The following TERF1 variants were observed in gnomAD, a reference collection of about 807,000 sequenced individuals.
TERF1 encodes the protein telomeric repeat binding factor 1.
In TERF1, 20 loss-of-function variants were observed where a neutral mutation model predicts 55.1. The observed-to-expected ratio is 0.36, with a 90% CI of 0.26 to 0.53. The LOEUF (loss-of-function observed/expected upper bound fraction) is 0.53, where lower values mean the gene tolerates loss of function less well. Among genes scored for constraint, TERF1 ranks in the 20% least tolerant of loss-of-function variants. TERF1 has a pLI of 0.91. For missense variants in TERF1, 439 were observed against 535.7 expected, an observed-to-expected ratio of 0.82 and a Z score of 1.78; for synonymous variants, 168 against 181.2, an observed-to-expected ratio of 0.93 and a Z score of 0.59.
chr8:73,034,430 G>T (rs1809423432), intron 8 of TERF1, among the ~76,000 whole-genome samples: 1 of 116,152 alleles, frequency 8.6e-6, no homozygotes, highest in Non-Finnish European at 2.2e-5. Context: ...ACCACACCCG[G>T]CCTTTTTGTG....
chr8:73,038,324 G>A (rs12679652), intron 8 of TERF1, among the ~76,000 whole-genome samples: 89,100 of 151,576 alleles, frequency 0.59, 27,328 homozygotes, highest in Middle Eastern at 0.75. Flanking sequence ...CATGGCGGCC[G>A]GTGCCTCTAG....
rs55785164 is a variant in TERF1 at position 73,018,726 on chromosome 8, A to T, written c.416-1958A>T. Among the ~76,000 whole-genome samples, 703 of 152,318 alleles carry T rather than the reference A, an allele frequency of 4.6e-3. 8 individuals carry two copies. The highest frequency in any genetic ancestry group is 0.016 in the African/African-American group (658 of 41,570). ...ATAAAAAATTCTCTTTATTATGCTT[A>T]TTTGTTGCATACTTGCTATGGAACT... is the stretch of plus-strand genomic sequence containing the variant. On this transcript the variant is annotated intron_variant, in intron 2 of 9. Transcript: ENST00000276603.
In TERF1 at chr8:73,024,848, A is replaced by G; in HGVS notation, c.651A>G (p.Ile217Met). The G allele has an allele frequency of 1.3e-6, 2 of 1,586,048 alleles. No individual in the cohort carries two copies. The highest frequency in any genetic ancestry group is 3.6e-5 in the Admixed American group (2 of 55,688). Reference protein sequence around the residue: ...HMPFKSKLLMIISQKDTFHSF... With the variant: ...HMPFKSKLLMMISQKDTFHSF... The stretch of plus-strand genomic sequence containing the variant: ...CTTTCAAAAGCAAATTGCTTATGAT[A>G]ATCTCTCAGAAAGATACATTTCATT... The change falls in exon 5 of 10, where the codon ATA becomes ATG. Residue 217 changes from isoleucine (I) to methionine (M), a missense_variant. Physicochemically the swap from Ile to Met is conservative, Grantham distance 10. Transcript: ENST00000276603.
At chr8:73,014,078 A>G in intron 2 of TERF1, 88 bp downstream of exon 2, 1 of 1,116,184 alleles carries the variant, frequency 9.0e-7, no homozygotes, top group Non-Finnish European at 1.3e-6. Context: ...TTTTGGGGGA[A>G]GTTTGCCTAC....
Position 73,046,840 on chromosome 8 carries a change from A to C in TERF1, c.*703A>C, listed in dbSNP as rs1162403574. The C allele has an allele frequency of 6.6e-6, 1 of 152,214 alleles. No homozygotes were observed. The highest frequency in any genetic ancestry group is 6.5e-5 in the Admixed American group (1 of 15,278). The allele number at this position is 152,214 out of a possible 1,614,324, so 9.4% of individuals were successfully genotyped here. A position where few individuals can be genotyped will look rare whatever the true frequency, so the allele number is the denominator to read the frequency against. ...TTGAATAACAGTAGTCCTTTGATAG[A>C]AGATAATGACTTGGTTTATGGCCTT... On this transcript the variant is annotated 3_prime_UTR_variant, in exon 10 of 10. Transcript: ENST00000276603.
At chr8:73,031,373 G>C (rs1203947272) in intron 7 of TERF1, 1 of 152,226 alleles carries the variant, frequency 6.6e-6, no homozygotes, top group Non-Finnish European at 1.5e-5. Flanking sequence ...GGACAGAGGG[G>C]AAGAGAGAAA....
Position 73,024,896 on chromosome 8 carries a change from C to T in TERF1, c.699C>T (p.Tyr233=), listed in dbSNP as rs773562896. 1.8e-5 allele frequency: 29 copies of T among 1,585,180 alleles called. No homozygotes were observed. In the East Asian group the frequency reaches 4.9e-4, roughly 27 times the overall value. The change falls in exon 5 of 10, where the codon TAC becomes TAT. Residue 233 remains tyrosine (Y), a synonymous_variant. Coordinates refer to ENST00000276603, the MANE Select transcript of TERF1 (RefSeq NM_017489.3). ...ATTCCTTTTTTCAACACTTCAGCTA[C>T]AACCACATGATGGAGAAAATTAAGA... ...TFHSFFQHFS[Y]NHMMEKIKSY...
intron 7 of TERF1, 127 bp from the exon 8 acceptor site, chr8:73,031,915 C>T (rs1809302542): frequency 1.8e-6 from 1 of 564,886 alleles, no homozygotes. Context: ...GCAGGGAGAG[C>T]ACCAAAGGAA....
At chr8:73,025,586 CTCCT>C (rs1196955546) in intron 5 of TERF1, among the ~76,000 whole-genome samples, 9 of 151,770 alleles carry the variant, frequency 5.9e-5, no homozygotes, top group African/African-American at 2.2e-4. Flanking sequence ...AACCCCGTCT[CTCCT>C]AAGAAAATAC....
intron 8 of TERF1, among the ~76,000 whole-genome samples, chr8:73,034,781 C>CTT (rs35508751): frequency 1.3e-3 from 188 of 148,210 alleles, no homozygotes; most frequent in Non-Finnish European, 1.8e-3. Flanking sequence ...GAGATTAGTG[C>CTT]TTTTTTTTTT....
At chr8:73,045,341 G>C (rs183717162) in intron 9 of TERF1, among the ~76,000 whole-genome samples, 5 of 152,012 alleles carry the variant, frequency 3.3e-5, no homozygotes, top group African/African-American at 1.2e-4. Flanking sequence ...CATGCCAACA[G>C]AAGGAATAAT....
chr8:73,017,698 A>AT (rs1176143897), intron 2 of TERF1, among the ~76,000 whole-genome samples: 5 of 144,942 alleles, frequency 3.4e-5, no homozygotes, highest in Admixed American at 1.4e-4. Context: ...AGGCATCAAT[A>AT]TTTTTTTTCT....
At chr8:73,021,915 G>C (rs1808774429) in intron 3 of TERF1, among the ~76,000 whole-genome samples, 1 of 152,114 alleles carries the variant, frequency 6.6e-6, no homozygotes, top group Non-Finnish European at 1.5e-5. Flanking sequence ...CTAAATGTGT[G>C]TGGTATGGCT....
chr8:73,025,408 G>A lies in TERF1; in HGVS notation c.774+437G>A, dbSNP rs1349099271. Among the ~76,000 whole-genome samples the A allele has an allele frequency of 3.3e-5, 5 of 150,764 alleles. No individual in the cohort carries two copies. In the South Asian group the frequency reaches 6.3e-4, roughly 19 times the overall value. On this transcript the variant is annotated intron_variant, in intron 5 of 9. Coordinates refer to ENST00000276603, the MANE Select transcript of TERF1 (RefSeq NM_017489.3). ...TTGGGAGGCCAAGTTTCAGGAGTTC[G>A]AGACTAGCCTGGGCGACATGGTGAA...
Position 73,032,027 on chromosome 8 carries a change from C to T in TERF1, c.948-15C>T, listed in dbSNP as rs774114669. 6.3e-7 allele frequency: 1 copy of T among 1,590,040 alleles called. No individual in the cohort carries two copies. Among genetic ancestry groups the T allele is most frequent in the South Asian group, 1.1e-5 (1 of 88,780 alleles). ...CTTTCTGGAGCCAATTACAAACTTT[C>T]CTGTTTTATTTTAGGTCTCACAAGA... On this transcript the variant is annotated splice_polypyrimidine_tract_variant and intron_variant, in intron 7 of 9. Coordinates refer to ENST00000276603, the MANE Select transcript of TERF1 (RefSeq NM_017489.3).
At chr8:73,024,243 G>A (rs987731214) in intron 4 of TERF1, among the ~76,000 whole-genome samples, 1 of 152,142 alleles carries the variant, frequency 6.6e-6, no homozygotes, top group Non-Finnish European at 1.5e-5. Flanking sequence ...GATCAGTGTA[G>A]TACTTTACAA....
At chr8:73,033,898 T>C (rs1486045985) in intron 8 of TERF1, among the ~76,000 whole-genome samples, 1 of 152,178 alleles carries the variant, frequency 6.6e-6, no homozygotes, top group Non-Finnish European at 1.5e-5. Flanking sequence ...GTACCCCCTC[T>C]TTATAGTTTG....
At chr8:73,040,061 A>G (rs1224612720) in intron 9 of TERF1, among the ~76,000 whole-genome samples, 2 of 144,594 alleles carry the variant, frequency 1.4e-5, no homozygotes, top group African/African-American at 5.3e-5. Context: ...TGCTGCAGAT[A>G]GTGTCAAGTT....
At chr8:73,037,518 A>G (rs1405809678) in intron 8 of TERF1, among the ~76,000 whole-genome samples, 1 of 101,628 alleles carries the variant, frequency 9.8e-6, no homozygotes, top group Non-Finnish European at 2.0e-5. Flanking sequence ...TTGGAATAAA[A>G]TATATAAACC....
Sources: gnomAD v4.1 joint callset for allele counts (sites outside exome capture counted in the v4.1 genomes callset) on GRCh38, gnomAD v4.1.1 for gene constraint, MANE v1.5 for transcripts, NCBI Gene and HGNC (gene_info 2026-07-23, HGNC 2026-07-21) for gene names.